The following KRABD4 variants were observed in gnomAD, a reference collection of about 807,000 sequenced individuals.
KRABD4 encodes the protein KRAB domain containing 4.
the KRABD4 span, among the ~76,000 whole-genome samples, chrX:46,458,925 C>G: frequency 1.8e-5 from 2 of 111,631 alleles, no homozygotes; most frequent in Non-Finnish European, 3.8e-5. Context: ...ATTGCCACAT[C>G]CATACTCTGG....
the KRABD4 span, among the ~76,000 whole-genome samples, chrX:46,461,399 G>A: frequency 1.8e-5 from 2 of 111,307 alleles, no homozygotes; most frequent in Admixed American, 1.9e-4. Context: ...CGAGGGAGGG[G>A]CAGATTGGGC....
At chrX:46,472,625 C>G in the KRABD4 span, 2 of 743,624 alleles carry the variant, frequency 2.7e-6, no homozygotes, top group South Asian at 5.4e-5. Flanking sequence ...GGGGAGGGTC[C>G]ATCCACATCA....
chrX:46,470,342 T>C, the KRABD4 span, among the ~76,000 whole-genome samples: 1 of 111,405 alleles, frequency 9.0e-6, no homozygotes, highest in East Asian at 2.8e-4. Flanking sequence ...GCTATACCCA[T>C]TCCTTCCCTC....
At chrX:46,461,309 A>G in the KRABD4 span, among the ~76,000 whole-genome samples, 1 of 110,763 alleles carries the variant, frequency 9.0e-6, no homozygotes, top group South Asian at 3.8e-4. Flanking sequence ...ATACTGGTCT[A>G]TGGAACAGGT....
the KRABD4 span, among the ~76,000 whole-genome samples, chrX:46,466,011 C>T: frequency 1.8e-5 from 2 of 111,744 alleles, no homozygotes; most frequent in African/African-American, 6.5e-5. Context: ...TTCCCTCTGT[C>T]TCCTGGATGA....
chrX:46,462,887 G>A, the KRABD4 span: 1 of 1,211,482 alleles, frequency 8.3e-7, no homozygotes, highest in Non-Finnish European at 1.1e-6. Context: ...GAGGGACCGT[G>A]CCACAGGGTG....
the KRABD4 span, among the ~76,000 whole-genome samples, chrX:46,462,272 A>G: frequency 2.7e-5 from 3 of 111,458 alleles, no homozygotes; most frequent in East Asian, 5.6e-4. Context: ...AGCACTTTGG[A>G]AGGCTAAGGC....
the KRABD4 span, chrX:46,447,384 G>A: frequency 9.0e-6 from 1 of 111,066 alleles, no homozygotes; most frequent in Non-Finnish European, 1.9e-5. Context: ...TTTTGATGGG[G>A]GCGGGGGTTG....
chrX:46,452,328 A>G, the KRABD4 span, among the ~76,000 whole-genome samples: 886 of 104,719 alleles, frequency 8.5e-3, 13 homozygotes, highest in African/African-American at 0.03. Flanking sequence ...TTAACTCTAC[A>G]CCAGGGTTTC....
At chrX:46,461,378 C>T in the KRABD4 span, among the ~76,000 whole-genome samples, 2 of 111,167 alleles carry the variant, frequency 1.8e-5, no homozygotes, top group African/African-American at 3.3e-5. Flanking sequence ...TCCCCAGCAC[C>T]GGAGCTATCA....
At chrX:46,447,593 G>C in the KRABD4 span, among the ~76,000 whole-genome samples, 3 of 71,228 alleles carry the variant, frequency 4.2e-5, no homozygotes, top group South Asian at 7.4e-4. Context: ...CTGGGGACGA[G>C]GTTCAGGGCC....
chrX:46,459,621 A>G, the KRABD4 span, among the ~76,000 whole-genome samples: 1 of 111,693 alleles, frequency 9.0e-6, no homozygotes, highest in African/African-American at 3.3e-5. Flanking sequence ...GATTTAAGAT[A>G]CTTTTATTAT....
chrX:46,464,671 T>A, the KRABD4 span, among the ~76,000 whole-genome samples: 1 of 112,297 alleles, frequency 8.9e-6, no homozygotes. Flanking sequence ...TCATCAGGAT[T>A]TCTGATGTGC....
the KRABD4 span, among the ~76,000 whole-genome samples, chrX:46,465,616 T>A: frequency 2.7e-5 from 3 of 112,705 alleles, no homozygotes; most frequent in African/African-American, 6.5e-5. Flanking sequence ...CAGTTTTTTT[T>A]AATTTAATGT....
chrX:46,447,566 G>A, the KRABD4 span, among the ~76,000 whole-genome samples: 2 of 106,440 alleles, frequency 1.9e-5, no homozygotes, highest in South Asian at 8.5e-4. Flanking sequence ...AGACCCGCAG[G>A]CCTGTGGGCG....
the KRABD4 span, among the ~76,000 whole-genome samples, chrX:46,451,177 A>T: frequency 8.9e-6 from 1 of 112,258 alleles, no homozygotes; most frequent in African/African-American, 3.2e-5. Flanking sequence ...ATGTGCGTAG[A>T]AAAAGCTAGT....
the KRABD4 span, among the ~76,000 whole-genome samples, chrX:46,460,800 T>C: frequency 9.2e-6 from 1 of 109,056 alleles, no homozygotes; most frequent in Non-Finnish European, 1.9e-5. Context: ...GTGGGGTTTT[T>C]ATGGAGGCTT....
the KRABD4 span, among the ~76,000 whole-genome samples, chrX:46,450,679 T>C: frequency 9.4e-6 from 1 of 106,549 alleles, no homozygotes; most frequent in African/African-American, 3.4e-5. Flanking sequence ...TCTTGTTCTT[T>C]CTTTTTCTTT....
chrX:46,466,907 T>C, the KRABD4 span, among the ~76,000 whole-genome samples: 1 of 112,434 alleles, frequency 8.9e-6, no homozygotes, highest in African/African-American at 3.2e-5. Flanking sequence ...GTGTTTCCTT[T>C]TATAATTCAG....
Sources: allele counts gnomAD v4.1 joint callset (sites outside exome capture counted in the v4.1 genomes callset), GRCh38; gene constraint gnomAD v4.1.1; transcripts MANE v1.5; gene names NCBI Gene and HGNC (gene_info 2026-07-23, HGNC 2026-07-21).